The following ACER3 variants were observed in gnomAD, a reference collection of about 807,000 sequenced individuals.
ACER3 encodes the protein alkCDase 3.
ACER3 carries 16 observed loss-of-function variants against 48.9 expected under a neutral mutation model. That is an observed-to-expected ratio of 0.33 (90% CI 0.22 to 0.50). ACER3 has a LOEUF of 0.50. Among genes scored for constraint, ACER3 ranks in the 20% least tolerant of loss-of-function variants. ACER3 has a pLI of 0.98. For missense variants in ACER3, 227 were observed against 326.0 expected (o/e 0.70, Z 2.34); for synonymous variants, 109 against 107.8 (o/e 1.01, Z -0.07).
At chr11:76,901,861 G>T (rs547848872) in intron 1 of ACER3, among the ~76,000 whole-genome samples, 2 of 152,128 alleles carry the variant, frequency 1.3e-5, no homozygotes, top group Admixed American at 6.5e-5. Context: ...AGGGTGTGGT[G>T]CCGGGCTGTC....
rs147243816 is a variant in ACER3 at position 76,987,806 on chromosome 11, G to A, written c.402+2082G>A. ...TTTTTAAAAATTAGCTGGATGTGGT[G>A]GCATGCACCTGTAGTCCCAGCTACT... On this transcript the variant is annotated intron_variant, in intron 5 of 10. Coordinates refer to ENST00000532485, the MANE Select transcript of ACER3 (RefSeq NM_018367.7). 3.9e-5 allele frequency among the ~76,000 whole-genome samples: 6 copies of A among 152,256 alleles called. No homozygotes were observed. In the East Asian group the frequency reaches 1.2e-3, roughly 29 times the overall value.
At chr11:76,943,236 C>T (rs1014340972) in intron 2 of ACER3, among the ~76,000 whole-genome samples, 1 of 151,704 alleles carries the variant, frequency 6.6e-6, no homozygotes, top group Non-Finnish European at 1.5e-5. Flanking sequence ...TTTCTAGTTC[C>T]TTGAGGTGTG....
intron 2 of ACER3, among the ~76,000 whole-genome samples, chr11:76,956,327 G>T (rs1042521304): frequency 2.0e-5 from 3 of 152,134 alleles, no homozygotes; most frequent in African/African-American, 7.2e-5. Context: ...AATGTCAGTT[G>T]CAGGAGAGCA....
chr11:76,941,183 A>T (rs1165715015), intron 2 of ACER3, among the ~76,000 whole-genome samples: 1 of 152,124 alleles, frequency 6.6e-6, no homozygotes, highest in East Asian at 1.9e-4. Context: ...TTATTTTTTG[A>T]CAAAACCCCA....
intron 1 of ACER3, among the ~76,000 whole-genome samples, chr11:76,892,272 T>C (rs1945825740): frequency 6.6e-6 from 1 of 152,210 alleles, no homozygotes; most frequent in African/African-American, 2.4e-5. Context: ...ACTCAATAGG[T>C]CTTGGTTCCC....
intron 6 of ACER3, among the ~76,000 whole-genome samples, chr11:76,998,121 G>A (rs1017022499): frequency 3.9e-5 from 6 of 152,116 alleles, no homozygotes; most frequent in African/African-American, 9.7e-5. Context: ...GGCTTTATAT[G>A]TATTTGCTAA....
At chr11:76,985,005 T>G (rs893114051) in intron 4 of ACER3, among the ~76,000 whole-genome samples, 3 of 152,222 alleles carry the variant, frequency 2.0e-5, no homozygotes, top group Admixed American at 2.0e-4. Flanking sequence ...TCCACATGGC[T>G]TCGCCTCTTT....
Position 77,023,262 on chromosome 11 carries a change from A to G in ACER3, c.*2935A>G. The G allele has an allele frequency of 2.5e-6, 1 of 397,926 alleles. No homozygotes were observed. The highest frequency in any genetic ancestry group is 4.4e-6 in the Non-Finnish European group (1 of 225,594). The allele number at this position is 397,926 out of a possible 1,614,324, so 24.6% of individuals were successfully genotyped here. On this transcript the variant is annotated 3_prime_UTR_variant, in exon 11 of 11. Transcript: ENST00000532485. ...AATATTATGGTTTAAATATAATGCAAAATTTCAGGACAGTTAATTTGGACT... is the reference window on the plus strand; with the variant it reads ...AATATTATGGTTTAAATATAATGCAGAATTTCAGGACAGTTAATTTGGACT...
chr11:76,894,706 T>G (rs1440420646), intron 1 of ACER3, among the ~76,000 whole-genome samples: 1 of 152,180 alleles, frequency 6.6e-6, no homozygotes, highest in Non-Finnish European at 1.5e-5. Context: ...TTCATGAAAG[T>G]GTATGGAAAA....
chr11:76,902,589 G>A (rs554650746), intron 1 of ACER3, among the ~76,000 whole-genome samples: 1 of 152,278 alleles, frequency 6.6e-6, no homozygotes, highest in Admixed American at 6.5e-5. Context: ...TTCTTGTTAT[G>A]TAATGACTTT....
chr11:76,915,432 G>T (rs556008749), intron 1 of ACER3, among the ~76,000 whole-genome samples: 10 of 151,492 alleles, frequency 6.6e-5, no homozygotes, highest in African/African-American at 2.4e-4. Context: ...CTGGTGGAGC[G>T]TACCCACCCC....
At chr11:76,982,915 TCTTGA>T (rs1388713135) in intron 4 of ACER3, among the ~76,000 whole-genome samples, 1 of 152,276 alleles carries the variant, frequency 6.6e-6, no homozygotes, top group Non-Finnish European at 1.5e-5. Context: ...CATTAAATTA[TCTTGA>T]CTTTTTTCTC....
chr11:76,927,247 G>C (rs563110507), intron 2 of ACER3, among the ~76,000 whole-genome samples: 3 of 152,138 alleles, frequency 2.0e-5, no homozygotes, highest in Non-Finnish European at 4.4e-5. Flanking sequence ...TGAGGTGGAG[G>C]ACTGTGTCTT....
intron 5 of ACER3, among the ~76,000 whole-genome samples, chr11:76,989,743 T>C (rs1948759737): frequency 1.3e-5 from 2 of 152,154 alleles, no homozygotes; most frequent in South Asian, 2.1e-4. Context: ...TTAAGAAATT[T>C]GAACTTTGTC....
chr11:76,866,259 T>C (rs143668913), intron 1 of ACER3, among the ~76,000 whole-genome samples: 3 of 152,344 alleles, frequency 2.0e-5, no homozygotes, highest in Admixed American at 6.5e-5. Flanking sequence ...GTTTCTCTGC[T>C]ACCCTTACAT....
intron 4 of ACER3, among the ~76,000 whole-genome samples, chr11:76,979,803 A>T (rs1948539909): frequency 6.6e-6 from 1 of 151,632 alleles, no homozygotes; most frequent in Non-Finnish European, 1.5e-5. Flanking sequence ...ATAATATGTA[A>T]ATAAATGAGT....
intron 5 of ACER3, among the ~76,000 whole-genome samples, chr11:76,987,798 G>A (rs1399112087): frequency 6.6e-6 from 1 of 152,128 alleles, no homozygotes; most frequent in East Asian, 1.9e-4. Context: ...AAATTAGCTG[G>A]ATGTGGTGGC....
intron 3 of ACER3, among the ~76,000 whole-genome samples, chr11:76,962,198 C>A (rs1382098981): frequency 6.9e-6 from 1 of 145,736 alleles, no homozygotes; most frequent in Admixed American, 6.9e-5. Context: ...TACAGGCGTG[C>A]ACCACCATGC....
chr11:76,998,216 A>T (rs2135257334), intron 6 of ACER3, among the ~76,000 whole-genome samples: 1 of 152,404 alleles, frequency 6.6e-6, no homozygotes, highest in South Asian at 2.1e-4. Flanking sequence ...AGCCAACGCT[A>T]GGAAGATGTG....
Sources: gnomAD v4.1 joint callset for allele counts (sites outside exome capture counted in the v4.1 genomes callset) on GRCh38, gnomAD v4.1.1 for gene constraint, MANE v1.5 for transcripts, NCBI Gene and HGNC (gene_info 2026-07-23, HGNC 2026-07-21) for gene names.